The following ITGB1 variants were observed in gnomAD, a reference collection of about 807,000 sequenced individuals.
ITGB1 encodes the protein integrin beta-1.
Under a neutral mutation model 86.5 loss-of-function variants are expected in ITGB1, and 24 were observed. The observed-to-expected ratio is 0.28, with a 90% CI of 0.20 to 0.39. ITGB1 has a LOEUF of 0.39. Among genes scored for constraint, ITGB1 ranks in the 10% least tolerant of loss-of-function variants. The pLI, the probability that ITGB1 is intolerant of heterozygous loss-of-function variation, is 1.00. For synonymous variants in ITGB1, 323 were observed against 316.8 expected (o/e 1.02, Z -0.21); for missense variants, 556 against 946.9 (o/e 0.59, Z 5.42).
intron 1 of ITGB1, chr10:32,957,904 G>T (rs1486984973): frequency 6.6e-6 from 1 of 152,008 alleles, no homozygotes; most frequent in African/African-American, 2.4e-5. Flanking sequence ...CTGCGCCCGG[G>T]GGCTGCCAGC....
chr10:32,944,669 C>T (rs924261208), intron 1 of ITGB1: 4 of 645,152 alleles, frequency 6.2e-6, no homozygotes, highest in African/African-American at 3.6e-5. Context: ...TCCATGGACA[C>T]TTCCACAGGC....
intron 8 of ITGB1, 108 bp downstream of exon 8, chr10:32,922,532 T>C: frequency 1.3e-6 from 1 of 792,256 alleles, no homozygotes; most frequent in Non-Finnish European, 2.0e-6. Flanking sequence ...TTTTGTAAAA[T>C]TCGGTTTGCC....
At chr10:32,957,312 T>C (rs2095054380) in intron 1 of ITGB1, among the ~76,000 whole-genome samples, 1 of 152,216 alleles carries the variant, frequency 6.6e-6, no homozygotes, top group Non-Finnish European at 1.5e-5. Flanking sequence ...AGGAGTCTCA[T>C]AAATCCAATT....
chr10:32,956,161 A>AT (rs1239613002), intron 1 of ITGB1, among the ~76,000 whole-genome samples: 1 of 152,180 alleles, frequency 6.6e-6, no homozygotes, highest in East Asian at 1.9e-4. Flanking sequence ...CACTTATATA[A>AT]TATTGATCAA....
chr10:32,923,781 A>G (rs765871878), intron 6 of ITGB1, 41 bp from the exon 7 acceptor site: 1 of 1,544,466 alleles, frequency 6.5e-7, no homozygotes, highest in South Asian at 1.2e-5. Flanking sequence ...CACTATTCAC[A>G]GTAATTCAAC....
Position 32,925,857 on chromosome 10 carries a change from A to G in ITGB1, c.786+14T>C, listed in dbSNP as rs771843406. The G allele has an allele frequency of 4.1e-6, 6 of 1,450,618 alleles. No individual in the cohort carries two copies. Among genetic ancestry groups the G allele is most frequent in the Admixed American group, 1.7e-5 (1 of 59,732 alleles). 89.9% of individuals were successfully genotyped at this position (1,450,618 alleles called of 1,614,324 possible). Reference sequence around the variant, plus strand: ...TAGAAACAATATCCCCTGATAGGAAATGAATGCGCTTACTCCACAAACTGC... The same window carrying G: ...TAGAAACAATATCCCCTGATAGGAAGTGAATGCGCTTACTCCACAAACTGC... On this transcript the variant is annotated intron_variant, in intron 6 of 15. Transcript: ENST00000302278.
intron 1 of ITGB1, among the ~76,000 whole-genome samples, chr10:32,940,932 T>C (rs1173213832): frequency 6.6e-6 from 1 of 152,218 alleles, no homozygotes; most frequent in Non-Finnish European, 1.5e-5. Flanking sequence ...TTTTGAGCCA[T>C]ATCAGGAAAT....
intron 2 of ITGB1, among the ~76,000 whole-genome samples, chr10:32,933,067 C>T (rs1308190978): frequency 6.6e-6 from 1 of 151,982 alleles, no homozygotes; most frequent in Non-Finnish European, 1.5e-5. Flanking sequence ...TTCTCACTAC[C>T]CTTCCCAGCC....
chr10:32,910,275 C>T lies in ITGB1; in HGVS notation c.2112G>A (p.Thr704=), dbSNP rs139619257. Residue 704 remains threonine (T), a synonymous_variant, in exon 14 of 16, where the codon ACG becomes ACA. Transcript: ENST00000302278. ...CCTCGTTGTTCCCATTCACTGAATACGTAAAATAGAACCAACAGTCGTCAA... is the reference window on the plus strand; with the variant it reads ...CCTCGTTGTTCCCATTCACTGAATATGTAAAATAGAACCAACAGTCGTCAA... ...KDVDDCWFYF[T]YSVNGNNEVM... 86 of 1,609,146 alleles carry T rather than the reference C, an allele frequency of 5.3e-5. No individual in the cohort carries two copies. The highest frequency in any genetic ancestry group is 1.5e-4 in the Admixed American group (9 of 59,644).
intron 15 of ITGB1, 102 bp from the exon 16 acceptor site, chr10:32,901,737 G>T: frequency 1.4e-6 from 1 of 716,786 alleles, no homozygotes; most frequent in Non-Finnish European, 2.4e-6. Flanking sequence ...ATCTTAAGAA[G>T]TCATTTCTAT....
At chr10:32,948,184 CTTA>C (rs1477312527) in intron 1 of ITGB1, among the ~76,000 whole-genome samples, 4 of 152,026 alleles carry the variant, frequency 2.6e-5, no homozygotes, top group African/African-American at 4.8e-5. Context: ...ATATCAAAAC[CTTA>C]TTATACTCTT....
intron 15 of ITGB1, 162 bp downstream of exon 15, chr10:32,908,203 CTTT>C: frequency 2.1e-6 from 1 of 465,826 alleles, no homozygotes; most frequent in Non-Finnish European, 3.9e-6. Context: ...ATTTAGGATG[CTTT>C]CTGTTTTTCA....
chr10:32,925,564 T>G (rs1160573769), intron 6 of ITGB1, among the ~76,000 whole-genome samples: 2 of 152,184 alleles, frequency 1.3e-5, no homozygotes, highest in African/African-American at 4.8e-5. Context: ...CACATGGGCT[T>G]TTCTAAAATC....
chr10:32,924,427 C>T (rs1365432865), intron 6 of ITGB1, among the ~76,000 whole-genome samples: 4 of 152,132 alleles, frequency 2.6e-5, no homozygotes, highest in Admixed American at 1.3e-4. Context: ...TACCTGCTTT[C>T]GTTAATTTAT....
At chr10:32,920,140 A>T in intron 10 of ITGB1, 56 bp from the exon 11 acceptor site, 1 of 1,568,364 alleles carries the variant, frequency 6.4e-7, no homozygotes, top group South Asian at 1.1e-5. Flanking sequence ...CTACTAAAAA[A>T]TATTTCAAAA....
At chr10:32,918,505 A>C (rs1030472777) in intron 11 of ITGB1, among the ~76,000 whole-genome samples, 2 of 152,182 alleles carry the variant, frequency 1.3e-5, no homozygotes, top group African/African-American at 4.8e-5. Flanking sequence ...AAGTGTACAC[A>C]CATGTGCAAG....
chr10:32,908,195 T>A, intron 15 of ITGB1, 173 bp downstream of exon 15: 1 of 636,932 alleles, frequency 1.6e-6, no homozygotes. Flanking sequence ...TGGGATATAT[T>A]TAGGATGCTT....
chr10:32,929,033 C>T (rs760483575), intron 4 of ITGB1, among the ~76,000 whole-genome samples: 1 of 151,562 alleles, frequency 6.6e-6, no homozygotes, highest in East Asian at 1.9e-4. Flanking sequence ...TTTAAAGCCA[C>T]GAGAGGAAAA....
In ITGB1 at chr10:32,929,995, T is replaced by C; in HGVS notation, c.203A>G (p.Glu68Gly). 3.0e-6 allele frequency: 3 copies of C among 1,008,730 alleles called. No homozygotes were observed. The Admixed American group carries it at 5.1e-5, about 17-fold the overall frequency. 62.5% of individuals were successfully genotyped at this position (1,008,730 alleles called of 1,614,324 possible). A position where few individuals can be genotyped will look rare whatever the true frequency, so the allele number is the denominator to read the frequency against. ...MPTSARCDDL[E>G]ALKKKGCPPD... is the part of the protein sequence containing the mutation. ...AGGGCAACCCTTCTTTTTTAAGGCTTCTAAATCATCACATCGTGCAGAAGT... is the reference window on the plus strand; with the variant it reads ...AGGGCAACCCTTCTTTTTTAAGGCTCCTAAATCATCACATCGTGCAGAAGT... Residue 68 changes from glutamate (E) to glycine (G), a missense_variant, in exon 4 of 16, where the codon GAA (glutamate) becomes GGA (glycine). Around this residue, in one of 4 missense-constraint regions of ITGB1, gnomAD observed 183 missense variants for 263.9 expected, o/e 0.69. Transcript: ENST00000302278.
Sources: allele counts gnomAD v4.1 joint callset (sites outside exome capture counted in the v4.1 genomes callset), GRCh38; gene constraint gnomAD v4.1.1; regional missense constraint gnomAD v4.1.1; transcripts MANE v1.5; gene names NCBI Gene and HGNC (gene_info 2026-07-23, HGNC 2026-07-21).